ZNF407: variants seen among roughly 807,000 people sequenced by gnomAD.
The protein encoded by ZNF407 is zinc finger protein 407.
A neutral mutation model predicts 131.2 loss-of-function variants in ZNF407; 17 were observed. The ratio of observed to expected loss-of-function variants is 0.13; its 90% CI spans 0.09 to 0.19. The LOEUF (loss-of-function observed/expected upper bound fraction) is 0.19, where lower values mean the gene tolerates loss of function less well. ZNF407 is among the 10% of genes least tolerant of loss of function. The pLI is 1.00. For missense variants in ZNF407, 2,681 were observed against 2,830.6 expected (o/e 0.95, Z 1.20); for synonymous variants, 1,156 against 1,062.0 (o/e 1.09, Z -1.72).
chr18:74,603,873 T>G (rs867142359), intron 1 of ZNF407, among the ~76,000 whole-genome samples: 1 of 152,228 alleles, frequency 6.6e-6, no homozygotes, highest in South Asian at 2.1e-4. Flanking sequence ...TATGGATATA[T>G]TAGCTTATTT....
intron 8 of ZNF407, among the ~76,000 whole-genome samples, chr18:74,976,889 C>T (rs1972534367): frequency 6.8e-6 from 1 of 147,504 alleles, no homozygotes; most frequent in South Asian, 2.1e-4. Context: ...GAATTTTCCC[C>T]TGATCTATGA....
chr18:74,920,228 C>T (rs868275961), intron 7 of ZNF407, among the ~76,000 whole-genome samples: 12 of 152,062 alleles, frequency 7.9e-5, no homozygotes, highest in South Asian at 2.1e-4. Flanking sequence ...TCACTGCCCT[C>T]GAGTGGTACC....
chr18:75,003,592 C>G (rs1972872765), intron 8 of ZNF407, among the ~76,000 whole-genome samples: 1 of 152,134 alleles, frequency 6.6e-6, no homozygotes, highest in African/African-American at 2.4e-5. Context: ...ACCCATTTTT[C>G]TTAGTTTAAT....
chr18:74,643,465 C>T (rs1445442908), intron 3 of ZNF407, among the ~76,000 whole-genome samples: 1 of 151,912 alleles, frequency 6.6e-6, no homozygotes, highest in Admixed American at 6.6e-5. Context: ...TAGTCTCTGC[C>T]TTTTAGAATT....
intron 3 of ZNF407, among the ~76,000 whole-genome samples, chr18:74,643,776 T>A (rs1445125584): frequency 6.6e-6 from 1 of 152,024 alleles, no homozygotes; most frequent in Non-Finnish European, 1.5e-5. Context: ...CTGCACGTTT[T>A]GTGTTTTTCA....
chr18:74,633,792 GGGGGTA>G lies in ZNF407; in HGVS notation c.2775_2780del (p.Gly926_Ser927del), dbSNP rs766381450. 6.2e-7 allele frequency: 1 copy of G among 1,613,944 alleles called. No homozygotes were observed. Among genetic ancestry groups the G allele is most frequent in the South Asian group, 1.1e-5 (1 of 91,074 alleles). ...TTCAGATATCATTGTTGGCCCTGAA[GGGGGTA>G]GCCTTGAAGCTGGTAAAAAGAATGC... is the stretch of plus-strand genomic sequence containing the variant. On this transcript the variant is annotated inframe_deletion, in exon 2 of 9. Coordinates refer to ENST00000299687, the MANE Select transcript of ZNF407 (RefSeq NM_017757.3).
chr18:74,697,501 A>G (rs1967386760), intron 3 of ZNF407, among the ~76,000 whole-genome samples: 1 of 152,172 alleles, frequency 6.6e-6, no homozygotes, highest in Non-Finnish European at 1.5e-5. Flanking sequence ...TAAATTATTT[A>G]AATTTTAATG....
At chr18:74,927,423 A>G (rs1213032252) in intron 8 of ZNF407, among the ~76,000 whole-genome samples, 1 of 152,236 alleles carries the variant, frequency 6.6e-6, no homozygotes, top group Non-Finnish European at 1.5e-5. Context: ...ATGATATAGT[A>G]TAATAATGTA....
chr18:74,990,011 A>T (rs1972699960), intron 8 of ZNF407, among the ~76,000 whole-genome samples: 1 of 152,144 alleles, frequency 6.6e-6, no homozygotes, highest in Non-Finnish European at 1.5e-5. Flanking sequence ...CAGCTTGTAC[A>T]TGTCCTGTGC....
At chr18:74,798,458 C>T (rs1388748448) in intron 4 of ZNF407, among the ~76,000 whole-genome samples, 1 of 152,030 alleles carries the variant, frequency 6.6e-6, no homozygotes. Flanking sequence ...TTAGTCTTTT[C>T]ACAGTGTATT....
chr18:74,839,074 C>T (rs556053322), intron 4 of ZNF407, among the ~76,000 whole-genome samples: 9 of 152,110 alleles, frequency 5.9e-5, no homozygotes, highest in South Asian at 2.1e-4. Flanking sequence ...CACCCTAAAA[C>T]GGACAATTTC....
intron 7 of ZNF407, chr18:74,898,419 T>G (rs1466630512): frequency 1.3e-5 from 2 of 152,258 alleles, no homozygotes; most frequent in Non-Finnish European, 2.9e-5. Context: ...TCTGAGGTTT[T>G]GTTTTGTTTT....
At chr18:74,813,480 C>T (rs145522942) in intron 4 of ZNF407, among the ~76,000 whole-genome samples, 2 of 152,306 alleles carry the variant, frequency 1.3e-5, no homozygotes, top group East Asian at 1.9e-4. Flanking sequence ...ACCCCACACC[C>T]ACCACCTCAT....
chr18:74,635,126 T>C lies in ZNF407; in HGVS notation c.4107T>C (p.Gly1369=). The change falls in exon 2 of 9, where the codon GGT becomes GGC. Residue 1369 remains glycine (G), a synonymous_variant. Transcript: ENST00000299687. This position sits in a 1 kb window ranked among gnomAD's most constrained non-coding sequence, Gnocchi z 4.7. ...TAAGAATAAAGAACCCTGAAGATGG[T>C]GAGTTGATAGACCAGTCTGAAGAGG... ...SIIRIKNPED[G]ELIDQSEEGL... is the part of the protein sequence containing the mutation. 6.2e-7 allele frequency: 1 copy of C among 1,613,848 alleles called. No individual in the cohort carries two copies. The highest frequency in any genetic ancestry group is 8.5e-7 in the Non-Finnish European group (1 of 1,179,854).
chr18:75,001,536 T>C (rs935943092), intron 8 of ZNF407, among the ~76,000 whole-genome samples: 1 of 152,084 alleles, frequency 6.6e-6, no homozygotes, highest in African/African-American at 2.4e-5. Context: ...TGAAGAGTAG[T>C]GAAGTACTAT....
intron 1 of ZNF407, among the ~76,000 whole-genome samples, chr18:74,607,703 C>A (rs1296051203): frequency 6.6e-6 from 1 of 150,826 alleles, no homozygotes; most frequent in Non-Finnish European, 1.5e-5. Context: ...CTGTACTTTT[C>A]TTTGTTATTT....
chr18:74,665,538 T>G (rs918442244), intron 3 of ZNF407, among the ~76,000 whole-genome samples: 3 of 152,128 alleles, frequency 2.0e-5, no homozygotes, highest in African/African-American at 7.2e-5. Context: ...GAGAAATACG[T>G]GTTTTGGCTG....
chr18:74,669,789 A>G (rs1986070291), intron 3 of ZNF407, among the ~76,000 whole-genome samples: 1 of 152,238 alleles, frequency 6.6e-6, no homozygotes, highest in Non-Finnish European at 1.5e-5. Flanking sequence ...TAGAATTTTC[A>G]GAACGCTCCT....
At chr18:74,604,564 A>G (rs780444367) in intron 1 of ZNF407, among the ~76,000 whole-genome samples, 2 of 152,252 alleles carry the variant, frequency 1.3e-5, no homozygotes, top group Admixed American at 6.5e-5. Flanking sequence ...GTGCAGGGAC[A>G]TGAGAGCCAC....
Sources: allele counts gnomAD v4.1 joint callset (sites outside exome capture counted in the v4.1 genomes callset), GRCh38; gene constraint gnomAD v4.1.1; non-coding constraint Gnocchi (gnomAD v3.1); transcripts MANE v1.5; gene names NCBI Gene and HGNC (gene_info 2026-07-23, HGNC 2026-07-21).